Variants in CRACD observed in about 807,000 individuals in gnomAD.
CRACD encodes the protein capping protein inhibiting regulator of actin dynamics.
CRACD carries 56 observed loss-of-function variants against 106.8 expected under a neutral mutation model. That is an observed-to-expected ratio of 0.52 (90% CI 0.42 to 0.66). CRACD has a LOEUF of 0.66. Ranked by LOEUF, CRACD falls within the 30% of genes least tolerant of loss-of-function variation. The pLI is 0.00. For synonymous variants in CRACD, 754 were observed against 670.8 expected (o/e 1.12, Z -1.92); for missense variants, 1,730 against 1,623.2 (o/e 1.07, Z -1.13).
chr4:56,288,118 A>G (rs1368590384), intron 3 of CRACD, among the ~76,000 whole-genome samples: 1 of 152,128 alleles, frequency 6.6e-6, no homozygotes, highest in Admixed American at 6.6e-5. Context: ...ACTGACCTCA[A>G]AATTTCCCAT....
At chr4:56,238,658 A>G (rs1192852929) in intron 2 of CRACD, among the ~76,000 whole-genome samples, 3 of 152,264 alleles carry the variant, frequency 2.0e-5, no homozygotes, top group Non-Finnish European at 4.4e-5. Context: ...ATTGCCAAAT[A>G]GCCACTCCAG....
At chr4:56,117,017 A>ATTTTTTT (rs751420774) in intron 1 of CRACD, among the ~76,000 whole-genome samples, 7 of 96,244 alleles carry the variant, frequency 7.3e-5, no homozygotes, top group African/African-American at 1.2e-4. Context: ...CGAATTTTTA[A>ATTTTTTT]TTTTTTTTTT....
At chr4:56,212,888 C>G (rs1399695796) in intron 2 of CRACD, among the ~76,000 whole-genome samples, 3 of 152,174 alleles carry the variant, frequency 2.0e-5, no homozygotes, top group Non-Finnish European at 4.4e-5. Flanking sequence ...TGGACTTAGT[C>G]CAGTTTCTGT....
chr4:56,068,281 T>C (rs1251539517), intron 1 of CRACD, among the ~76,000 whole-genome samples: 2 of 152,068 alleles, frequency 1.3e-5, no homozygotes, highest in Non-Finnish European at 2.9e-5. Context: ...ACAGCAAGTG[T>C]AACGGGCCAA....
chr4:56,116,911 T>C (rs1415412831), intron 1 of CRACD, among the ~76,000 whole-genome samples: 1 of 151,760 alleles, frequency 6.6e-6, no homozygotes, highest in Non-Finnish European at 1.5e-5. Flanking sequence ...TTTCGCCATG[T>C]TGGCCCGGCT....
intron 2 of CRACD, among the ~76,000 whole-genome samples, chr4:56,263,581 G>A (rs561758440): frequency 6.6e-6 from 1 of 152,212 alleles, no homozygotes; most frequent in East Asian, 1.9e-4. Context: ...TCTTATGAGA[G>A]AACCTGTTGT....
chr4:56,251,750 C>G (rs1323995996), intron 2 of CRACD, among the ~76,000 whole-genome samples: 1 of 152,222 alleles, frequency 6.6e-6, no homozygotes, highest in African/African-American at 2.4e-5. Flanking sequence ...TTTAATCGCT[C>G]TGGCAGCTCT....
chr4:56,315,112 ACAC>A lies in CRACD; in HGVS notation c.1611_1613del (p.Tyr537_Thr538delinsTer). ...GAGAGACAGACCATGCCCCGGCCCT[ACAC>A]GTTCCAGGTGTCCTCCGGAGGGAAG... is the stretch of plus-strand genomic sequence containing the variant. On this transcript the variant is annotated stop_gained and inframe_deletion, in exon 8 of 11. Transcript: ENST00000682029. LOFTEE classifies it high-confidence loss of function. The surrounding 1 kb of genome is among the most constrained non-coding windows in gnomAD (Gnocchi z 4.1). 1.9e-6 allele frequency: 3 copies of A among 1,611,022 alleles called. No homozygotes were observed. Among genetic ancestry groups the A allele is most frequent in the Non-Finnish European group, 2.5e-6 (3 of 1,179,158 alleles).
intron 1 of CRACD, among the ~76,000 whole-genome samples, chr4:56,108,609 C>T (rs561624567): frequency 2.1e-4 from 32 of 152,082 alleles, no homozygotes; most frequent in Non-Finnish European, 4.4e-4. Context: ...GTAGTGGCCC[C>T]AAATGGCTGG....
Position 56,261,361 on chromosome 4 carries a change from C to CTTT in CRACD, c.-188-10948_-188-10946dup, listed in dbSNP as rs369710516. Among the ~76,000 whole-genome samples the CTTT allele has an allele frequency of 1.9e-3, 275 of 141,062 alleles. 2 individuals carry two copies. Among genetic ancestry groups the CTTT allele is most frequent in the African/African-American group, 6.8e-3 (256 of 37,740 alleles). The allele number at this position is 141,062 out of a possible 152,430, so 92.5% of individuals were successfully genotyped here. On this transcript the variant is annotated intron_variant, in intron 2 of 10. Coordinates refer to ENST00000682029, the MANE Select transcript of CRACD (RefSeq NM_001393381.1). ...GCCTCTGTTACTGCTTCTTCTTCTT[C>CTTT]TTTTTTTTTTTTTTGAGACAGAGTC... is the stretch of plus-strand genomic sequence containing the variant.
intron 1 of CRACD, among the ~76,000 whole-genome samples, chr4:56,148,295 A>T (rs76049508): frequency 1.3e-5 from 2 of 150,944 alleles, no homozygotes; most frequent in South Asian, 2.1e-4. Flanking sequence ...AAAAAAAAAA[A>T]TTTATTTTTT....
rs185699177 is a variant in CRACD, at chr4:56,117,360, C to T, written c.-335-61924C>T. ...TTCAAATTACTTTTCCATAATGAAA[C>T]TTGAGGATATTATGCTAAGTGAAAT... On this transcript the variant is annotated intron_variant, in intron 1 of 10. Coordinates refer to ENST00000682029, the MANE Select transcript of CRACD (RefSeq NM_001393381.1). Among the ~76,000 whole-genome samples, 56 of 152,128 alleles carry T rather than the reference C, an allele frequency of 3.7e-4. 1 individual carries two copies. Among genetic ancestry groups the T allele is most frequent in the Admixed American group, 1.6e-3 (25 of 15,292 alleles).
At chr4:56,258,983 G>T (rs1485184921) in intron 2 of CRACD, among the ~76,000 whole-genome samples, 1 of 152,126 alleles carries the variant, frequency 6.6e-6, no homozygotes, top group East Asian at 1.9e-4. Flanking sequence ...AGGATTCATG[G>T]GTCTGTAACT....
chr4:56,253,419 C>T (rs375500494), intron 2 of CRACD, among the ~76,000 whole-genome samples: 14 of 152,158 alleles, frequency 9.2e-5, no homozygotes, highest in African/African-American at 2.9e-4. Flanking sequence ...TCAGTCACCT[C>T]ATTTTGCAGA....
At chr4:56,234,630 A>C (rs536357694) in intron 2 of CRACD, among the ~76,000 whole-genome samples, 9 of 152,320 alleles carry the variant, frequency 5.9e-5, no homozygotes, top group African/African-American at 1.9e-4. Flanking sequence ...AACAAAGCTT[A>C]GAGAAGAATG....
At chr4:56,222,200 A>G (rs1389581467) in intron 2 of CRACD, among the ~76,000 whole-genome samples, 6 of 152,234 alleles carry the variant, frequency 3.9e-5, no homozygotes, top group Non-Finnish European at 8.8e-5. Context: ...ATCACAGAAT[A>G]CTACTCAGCC....
chr4:56,159,378 C>T (rs1046946315), intron 1 of CRACD, among the ~76,000 whole-genome samples: 4 of 152,274 alleles, frequency 2.6e-5, no homozygotes, highest in East Asian at 1.9e-4. Context: ...CAGCTGGACG[C>T]GGTGGCTCAC....
At chr4:56,231,098 C>T (rs928691230) in intron 2 of CRACD, among the ~76,000 whole-genome samples, 2 of 152,060 alleles carry the variant, frequency 1.3e-5, no homozygotes, top group Non-Finnish European at 2.9e-5. Flanking sequence ...AACACTTTAC[C>T]TAAAGAGAAT....
At chr4:56,220,344 T>TACACAA (rs1738961116) in intron 2 of CRACD, among the ~76,000 whole-genome samples, 2 of 152,236 alleles carry the variant, frequency 1.3e-5, no homozygotes, top group Admixed American at 1.3e-4. Flanking sequence ...AACCAACTGT[T>TACACAA]GCCTCTCCCT....
Sources: allele counts gnomAD v4.1 joint callset (sites outside exome capture counted in the v4.1 genomes callset), GRCh38; gene constraint gnomAD v4.1.1; non-coding constraint Gnocchi (gnomAD v3.1); transcripts MANE v1.5; gene names NCBI Gene and HGNC (gene_info 2026-07-23, HGNC 2026-07-21).